Variants in RAI14 observed in about 807,000 individuals in gnomAD.
RAI14 encodes the protein retinoic acid induced 14, also known as ankycorbin.
In RAI14, 45 loss-of-function variants were observed where a neutral mutation model predicts 115.4. That is an observed-to-expected ratio of 0.39 (90% CI 0.31 to 0.50). The LOEUF is 0.50. RAI14 is among the 20% of genes least tolerant of loss of function. The probability of loss-of-function intolerance (pLI) is 0.85; values close to 1 mark genes in which losing one functional copy is unlikely to be tolerated. For missense variants in RAI14, 939 were observed against 1,131.2 expected (o/e 0.83, Z 2.44); for synonymous variants, 371 against 415.4 (o/e 0.89, Z 1.30).
intron 2 of RAI14, among the ~76,000 whole-genome samples, chr5:34,720,804 G>A (rs1262562082): frequency 2.0e-5 from 3 of 152,068 alleles, no homozygotes; most frequent in East Asian, 1.9e-4. Context: ...GAGGTGAAAA[G>A]TTTTTGGAAA....
At position 34,791,010 on chromosome 5, in the gene RAI14, G is replaced by A. The variant is rs1004959193; in HGVS notation, c.168-4929G>A. Among the ~76,000 whole-genome samples, 8 of 152,046 alleles carry A rather than the reference G, an allele frequency of 5.3e-5. No individual in the cohort carries two copies. The highest frequency in any genetic ancestry group is 1.4e-4 in the African/African-American group (6 of 41,402). On this transcript the variant is annotated intron_variant, in intron 3 of 17. Transcript: ENST00000265109. The surrounding 1 kb of genome is among the most constrained non-coding windows in gnomAD (Gnocchi z 5.4). ...AGAATGAATGAAACCTCAGCATGATGGGAGGGTTCAGGAGCTGATACATTT... is the reference window on the plus strand; with the variant it reads ...AGAATGAATGAAACCTCAGCATGATAGGAGGGTTCAGGAGCTGATACATTT...
intron 2 of RAI14, among the ~76,000 whole-genome samples, chr5:34,713,685 G>T (rs1403765428): frequency 2.0e-5 from 3 of 152,206 alleles, no homozygotes; most frequent in Non-Finnish European, 4.4e-5. Context: ...ACAGGCGTGA[G>T]CCGCCGTACT....
At chr5:34,713,488 A>G (rs1440749517) in intron 2 of RAI14, among the ~76,000 whole-genome samples, 1 of 152,190 alleles carries the variant, frequency 6.6e-6, no homozygotes, top group South Asian at 2.1e-4. Flanking sequence ...TGGAGTTATT[A>G]GAAAAAAAAA....
chr5:34,687,055 C>G (rs1295274971), intron 2 of RAI14, 100 bp downstream of exon 2: 1 of 1,289,106 alleles, frequency 7.8e-7, no homozygotes, highest in Non-Finnish European at 1.1e-6. Flanking sequence ...GGTTAATAAA[C>G]TACAGACACT....
chr5:34,674,929 G>A (rs114974422), intron 1 of RAI14, among the ~76,000 whole-genome samples: 16,746 of 142,806 alleles, frequency 0.12, 2,601 homozygotes, highest in African/African-American at 0.36. Flanking sequence ...ACTGAGTCTC[G>A]CTTTGTCACC....
chr5:34,777,781 AAAAAC>A (rs1336507058), intron 3 of RAI14, among the ~76,000 whole-genome samples: 17 of 152,228 alleles, frequency 1.1e-4, no homozygotes, highest in African/African-American at 4.1e-4. Context: ...TCCGTCTCAA[AAAAAC>A]AAAACAAAAC....
intron 4 of RAI14, among the ~76,000 whole-genome samples, chr5:34,797,621 A>G (rs1224111063): frequency 6.6e-6 from 1 of 152,164 alleles, no homozygotes; most frequent in Non-Finnish European, 1.5e-5. Context: ...GGCAACACCA[A>G]TATAGGGGGA....
At chr5:34,816,503 G>A (rs908196977) in intron 12 of RAI14, among the ~76,000 whole-genome samples, 6 of 152,082 alleles carry the variant, frequency 3.9e-5, no homozygotes, top group Non-Finnish European at 8.8e-5. Flanking sequence ...TAGATTTGTG[G>A]TTGCAAAACA....
intron 3 of RAI14, among the ~76,000 whole-genome samples, chr5:34,778,403 A>G (rs1036611009): frequency 2.0e-5 from 3 of 152,110 alleles, no homozygotes; most frequent in African/African-American, 7.2e-5. Context: ...CAGAATCTGG[A>G]TAGTACCCTG....
At chr5:34,691,490 T>A (rs1738593274) in intron 2 of RAI14, among the ~76,000 whole-genome samples, 1 of 152,000 alleles carries the variant, frequency 6.6e-6, no homozygotes, top group South Asian at 2.1e-4. Context: ...CATGGAAAAA[T>A]GAGCTGTCGT....
chr5:34,753,910 C>G (rs1747512043), intron 2 of RAI14, among the ~76,000 whole-genome samples: 3 of 92,314 alleles, frequency 3.2e-5, no homozygotes, highest in Admixed American at 2.5e-4. Flanking sequence ...GAGACTCTAT[C>G]TCAAAAAAAA....
At chr5:34,787,071 G>A (rs758262344) in intron 3 of RAI14, among the ~76,000 whole-genome samples, 4 of 152,170 alleles carry the variant, frequency 2.6e-5, no homozygotes, top group Admixed American at 6.5e-5. Context: ...GCGGTTTTCC[G>A]CCCTGGGTAG....
intron 3 of RAI14, among the ~76,000 whole-genome samples, chr5:34,761,094 A>T (rs961992895): frequency 2.6e-5 from 4 of 152,242 alleles, no homozygotes; most frequent in Admixed American, 2.6e-4. Flanking sequence ...TTCATGGTAG[A>T]CATATACATA....
At chr5:34,752,743 G>A (rs1434383461) in intron 2 of RAI14, among the ~76,000 whole-genome samples, 36,427 of 98,250 alleles carry the variant, frequency 0.37, 7,687 homozygotes, top group African/African-American at 0.55. Flanking sequence ...GTGTGTGTGT[G>A]TGTGTGTATA....
At chr5:34,687,721 AG>A (rs1738028816) in intron 2 of RAI14, 2 of 1,551,548 alleles carry the variant, frequency 1.3e-6, no homozygotes, top group East Asian at 4.9e-5. Flanking sequence ...ATGGAAGCCA[AG>A]GTATGTCACT....
chr5:34,821,964 G>T, intron 14 of RAI14, 114 bp downstream of exon 14: 3 of 540,882 alleles, frequency 5.5e-6, no homozygotes, highest in Admixed American at 3.0e-5. Flanking sequence ...TTAAATATTA[G>T]CTTTAAGCAT....
chr5:34,825,597 A>AG (rs1029452536), intron 15 of RAI14, among the ~76,000 whole-genome samples: 4 of 152,148 alleles, frequency 2.6e-5, no homozygotes, highest in African/African-American at 9.6e-5. Flanking sequence ...TAGGAGAGGA[A>AG]GGGGGAGGAA....
intron 1 of RAI14, chr5:34,684,578 C>G (rs759682909): frequency 6.6e-6 from 1 of 152,202 alleles, no homozygotes; most frequent in Non-Finnish European, 1.5e-5. Flanking sequence ...CACAATGAGG[C>G]CTCCAGATTC....
chr5:34,773,779 A>G (rs1397590289), intron 3 of RAI14, among the ~76,000 whole-genome samples: 1 of 152,336 alleles, frequency 6.6e-6, no homozygotes, highest in Non-Finnish European at 1.5e-5. Flanking sequence ...TGCAGAGAAA[A>G]GAAAACTCAT....
Sources: gnomAD v4.1 joint callset for allele counts (sites outside exome capture counted in the v4.1 genomes callset) on GRCh38, gnomAD v4.1.1 for gene constraint, Gnocchi (gnomAD v3.1) non-coding constraint, MANE v1.5 for transcripts, NCBI Gene and HGNC (gene_info 2026-07-23, HGNC 2026-07-21) for gene names.